Variants in ERBB4 observed in about 807,000 individuals in gnomAD.
ERBB4 encodes the protein receptor tyrosine-protein kinase erbB-4.
A neutral mutation model predicts 158.0 loss-of-function variants in ERBB4; 42 were observed. That is an observed-to-expected ratio of 0.27 (90% CI 0.21 to 0.34). The LOEUF (loss-of-function observed/expected upper bound fraction) is 0.34, where lower values mean the gene tolerates loss of function less well. Ranked by LOEUF, ERBB4 falls within the 10% of genes least tolerant of loss-of-function variation. The pLI is 1.00. For synonymous variants in ERBB4, 583 were observed against 558.7 expected (o/e 1.04, Z -0.61); for missense variants, 1,333 against 1,624.1 (o/e 0.82, Z 3.08).
chr2:211,886,402 G>T (rs1267300628), intron 3 of ERBB4, among the ~76,000 whole-genome samples: 7 of 152,000 alleles, frequency 4.6e-5, no homozygotes, highest in Non-Finnish European at 7.4e-5. Context: ...CATGGTACAT[G>T]GAAGGCACTC....
intron 19 of ERBB4, among the ~76,000 whole-genome samples, chr2:211,571,374 T>C (rs765931025): frequency 2.0e-5 from 3 of 152,310 alleles, no homozygotes; most frequent in Non-Finnish European, 4.4e-5. Context: ...TTTTGTGGTT[T>C]GTCATGATTT....
chr2:212,423,078 G>A (rs893699254), intron 1 of ERBB4, among the ~76,000 whole-genome samples: 2 of 151,990 alleles, frequency 1.3e-5, no homozygotes, highest in African/African-American at 2.4e-5. Context: ...GATGAAAAAT[G>A]TAAAGTAATC....
chr2:212,204,717 A>AAG (rs1290208165), intron 1 of ERBB4, among the ~76,000 whole-genome samples: 1 of 151,838 alleles, frequency 6.6e-6, no homozygotes, highest in African/African-American at 2.4e-5. Flanking sequence ...AACAAAAAAA[A>AAG]AAACAGTATT....
chr2:211,461,367 G>A (rs1170480068), intron 20 of ERBB4, among the ~76,000 whole-genome samples: 3 of 152,066 alleles, frequency 2.0e-5, no homozygotes, highest in African/African-American at 7.2e-5. Context: ...TAATATGGAA[G>A]AAAAATAAAA....
At chr2:212,108,706 C>CTTTTTTTTT (rs775193964) in intron 2 of ERBB4, among the ~76,000 whole-genome samples, 1 of 97,066 alleles carries the variant, frequency 1.0e-5, no homozygotes, top group African/African-American at 3.9e-5. Context: ...AATGGGTCTG[C>CTTTTTTTTT]TTTTTTTTTT....
chr2:211,769,276 T>C (rs939650207), intron 4 of ERBB4, among the ~76,000 whole-genome samples: 2 of 152,194 alleles, frequency 1.3e-5, no homozygotes, highest in African/African-American at 4.8e-5. Flanking sequence ...TATCAGCATT[T>C]TGGTCAAAAC....
chr2:212,066,269 G>C (rs2077944975), intron 2 of ERBB4, among the ~76,000 whole-genome samples: 1 of 151,904 alleles, frequency 6.6e-6, no homozygotes, highest in African/African-American at 2.4e-5. Flanking sequence ...ATAATGACTT[G>C]ATGACTTTCC....
chr2:212,179,179 G>T (rs1003208790), intron 1 of ERBB4, among the ~76,000 whole-genome samples: 2 of 151,466 alleles, frequency 1.3e-5, no homozygotes, highest in Non-Finnish European at 3.0e-5. Context: ...AAAATATCAG[G>T]GTTGTGAAAT....
intron 3 of ERBB4, among the ~76,000 whole-genome samples, chr2:211,819,286 G>A (rs1250235993): frequency 6.6e-6 from 1 of 151,888 alleles, no homozygotes; most frequent in Admixed American, 6.6e-5. Flanking sequence ...GAAATGACAT[G>A]GTCTCTGATC....
intron 1 of ERBB4, among the ~76,000 whole-genome samples, chr2:212,371,770 T>A (rs2090095554): frequency 6.6e-6 from 1 of 152,178 alleles, no homozygotes; most frequent in South Asian, 2.1e-4. Context: ...TTTTGGCACT[T>A]ACTCCAAACC....
chr2:212,320,324 T>C (rs2087504524), intron 1 of ERBB4, among the ~76,000 whole-genome samples: 1 of 147,108 alleles, frequency 6.8e-6, no homozygotes, highest in Non-Finnish European at 1.5e-5. Flanking sequence ...CAGTCTTTTT[T>C]TTTTACTTCT....
intron 1 of ERBB4, among the ~76,000 whole-genome samples, chr2:212,266,904 T>C (rs2085156790): frequency 6.6e-6 from 1 of 152,040 alleles, no homozygotes; most frequent in Non-Finnish European, 1.5e-5. Context: ...TTACCCACAC[T>C]ATATTCTTAA....
At chr2:212,447,011 T>C (rs1442483728) in intron 1 of ERBB4, among the ~76,000 whole-genome samples, 3 of 146,000 alleles carry the variant, frequency 2.1e-5, no homozygotes, top group Non-Finnish European at 3.1e-5. Flanking sequence ...TTTTTTTTTT[T>C]ATTTTGACGG....
chr2:212,437,318 A>C (rs552647209), intron 1 of ERBB4, among the ~76,000 whole-genome samples: 43 of 152,128 alleles, frequency 2.8e-4, no homozygotes, highest in Non-Finnish European at 5.0e-4. Flanking sequence ...CTCAAACTAA[A>C]GGATTTCACA....
At chr2:211,678,297 AAAC>A (rs1371818355) in intron 13 of ERBB4, among the ~76,000 whole-genome samples, 2 of 2,990 alleles carry the variant, frequency 6.7e-4, no homozygotes, top group East Asian at 0.029. Flanking sequence ...AAAAACAAAC[AAAC>A]AAAAAAAAAC....
chr2:211,652,239 C>A (rs2071016605), intron 16 of ERBB4, among the ~76,000 whole-genome samples: 1 of 152,116 alleles, frequency 6.6e-6, no homozygotes, highest in Non-Finnish European at 1.5e-5. Context: ...GAAGTTGGGA[C>A]AAAAGTCATG....
At chr2:212,522,369 T>G (rs1325489603) in intron 1 of ERBB4, among the ~76,000 whole-genome samples, 1 of 151,988 alleles carries the variant, frequency 6.6e-6, no homozygotes, top group Non-Finnish European at 1.5e-5. Flanking sequence ...AATGAAGAGT[T>G]AATGTGTGAT....
At chr2:212,535,879 T>C (rs1693028563) in intron 1 of ERBB4, among the ~76,000 whole-genome samples, 1 of 152,218 alleles carries the variant, frequency 6.6e-6, no homozygotes, top group Non-Finnish European at 1.5e-5. Flanking sequence ...CCCTATATTT[T>C]TATTCTGTTC....
chr2:212,193,789 G>A (rs981904333), intron 1 of ERBB4, among the ~76,000 whole-genome samples: 6 of 152,058 alleles, frequency 3.9e-5, no homozygotes, highest in African/African-American at 1.4e-4. Context: ...ACCTAGGGAT[G>A]TATGTAGATG....
Sources: allele counts gnomAD v4.1 joint callset (sites outside exome capture counted in the v4.1 genomes callset), GRCh38; gene constraint gnomAD v4.1.1; transcripts MANE v1.5; gene names NCBI Gene and HGNC (gene_info 2026-07-23, HGNC 2026-07-21).